The following PTPRN2 variants were observed in gnomAD, a reference collection of about 807,000 sequenced individuals.
PTPRN2 encodes receptor-type tyrosine-protein phosphatase N2.
A neutral mutation model predicts 118.8 loss-of-function variants in PTPRN2; 74 were observed. The observed-to-expected ratio is 0.62, with a 90% confidence interval of 0.52 to 0.76. PTPRN2 has a LOEUF of 0.76. Ranked by LOEUF, PTPRN2 falls within the 30% of genes least tolerant of loss-of-function variation. The pLI is 0.00. For synonymous variants in PTPRN2, 641 were observed against 608.0 expected, an observed-to-expected ratio of 1.05 and a Z score of -0.80; for missense variants, 1,481 against 1,394.4, an observed-to-expected ratio of 1.06 and a Z score of -0.99.
intron 11 of PTPRN2, among the ~76,000 whole-genome samples, chr7:158,044,415 T>C (rs1808693498): frequency 6.6e-6 from 1 of 152,222 alleles, no homozygotes; most frequent in African/African-American, 2.4e-5. Context: ...TAGGAATTCA[T>C]AAAAACAAAG....
chr7:157,689,342 C>T (rs528422013), intron 12 of PTPRN2, among the ~76,000 whole-genome samples: 1 of 152,194 alleles, frequency 6.6e-6, no homozygotes, highest in Non-Finnish European at 1.5e-5. Context: ...CGGTGCCGGC[C>T]GGGACGCGCA....
intron 2 of PTPRN2, among the ~76,000 whole-genome samples, chr7:158,386,284 C>A (rs1282935132): frequency 7.8e-6 from 1 of 128,756 alleles, no homozygotes; most frequent in Non-Finnish European, 1.6e-5. Context: ...TCCCGTGCCC[C>A]AAGTCCCTCC....
chr7:158,055,568 C>T (rs1809722304), intron 11 of PTPRN2, among the ~76,000 whole-genome samples: 1 of 152,192 alleles, frequency 6.6e-6, no homozygotes, highest in Non-Finnish European at 1.5e-5. Flanking sequence ...CATGTTCCAT[C>T]CTGTACACCT....
intron 2 of PTPRN2, among the ~76,000 whole-genome samples, chr7:158,358,074 T>C (rs775997596): frequency 3.9e-5 from 6 of 152,170 alleles, no homozygotes; most frequent in Non-Finnish European, 7.3e-5. Flanking sequence ...AGGCCCAACT[T>C]TGTGAGTTAC....
At chr7:158,396,199 G>A (rs1812487896) in intron 2 of PTPRN2, among the ~76,000 whole-genome samples, 1 of 152,176 alleles carries the variant, frequency 6.6e-6, no homozygotes, top group Admixed American at 6.5e-5. Flanking sequence ...GCCCAGCCAG[G>A]GCTGGTTTTC....
chr7:157,709,998 C>T (rs1277777491), intron 12 of PTPRN2, among the ~76,000 whole-genome samples: 2 of 152,112 alleles, frequency 1.3e-5, no homozygotes, highest in African/African-American at 4.8e-5. Context: ...GAGAGAGGAG[C>T]GTGAGGCATA....
chr7:158,509,955 AGAGGAC>A lies in PTPRN2; in HGVS notation c.113-20176_113-20171del, dbSNP rs2129446953. Among the ~76,000 whole-genome samples the A allele has an allele frequency of 6.6e-6, 1 of 152,356 alleles. No homozygotes were observed. The highest frequency in any genetic ancestry group is 6.5e-5 in the Admixed American group (1 of 15,300). ...CAGGCTATGAGGGGAGCACGAAGATAGAGGACGAGACACAAGTCAAGCCTTAAAAAG... is the reference window on the plus strand; with the variant it reads ...CAGGCTATGAGGGGAGCACGAAGATAGAGACACAAGTCAAGCCTTAAAAAG... On this transcript the variant is annotated intron_variant, in intron 1 of 22. Coordinates refer to ENST00000389418, the MANE Select transcript of PTPRN2 (RefSeq NM_002847.5). This position sits in a 1 kb window ranked among gnomAD's most constrained non-coding sequence, Gnocchi z 4.4.
intron 2 of PTPRN2, among the ~76,000 whole-genome samples, chr7:158,324,755 A>G (rs1586264155): frequency 6.6e-6 from 1 of 151,784 alleles, no homozygotes; most frequent in East Asian, 1.9e-4. Flanking sequence ...CTGAGCCTCC[A>G]CTCTCTGTGA....
At chr7:158,286,021 T>G (rs150031385) in intron 3 of PTPRN2, among the ~76,000 whole-genome samples, 1 of 152,306 alleles carries the variant, frequency 6.6e-6, no homozygotes, top group East Asian at 1.9e-4. Flanking sequence ...GAATGAACAT[T>G]TATCAACAGC....
chr7:157,751,450 A>C (rs193068497), intron 12 of PTPRN2, among the ~76,000 whole-genome samples: 1 of 152,274 alleles, frequency 6.6e-6, no homozygotes, highest in African/African-American at 2.4e-5. Flanking sequence ...CAAGAGGCTG[A>C]GCGTGTGCAG....
chr7:157,790,548 G>A (rs1804423051), intron 12 of PTPRN2, among the ~76,000 whole-genome samples: 1 of 152,126 alleles, frequency 6.6e-6, no homozygotes, highest in Non-Finnish European at 1.5e-5. Flanking sequence ...GTATGACGAA[G>A]GGGGCATTTC....
chr7:158,292,718 G>A (rs1361287740), intron 3 of PTPRN2, among the ~76,000 whole-genome samples: 1 of 152,200 alleles, frequency 6.6e-6, no homozygotes, highest in Non-Finnish European at 1.5e-5. Context: ...GTAACACAAG[G>A]TTAAGTATCT....
chr7:158,173,698 C>CAACTGCATAAGACAGACACTCCCAG (rs1823921100), intron 5 of PTPRN2, among the ~76,000 whole-genome samples: 1 of 152,194 alleles, frequency 6.6e-6, no homozygotes, highest in Admixed American at 6.5e-5. Context: ...CTCTTATCTT[C>CAACTGCATAAGACAGACACTCCCAG]AACTGCATAA....
intron 4 of PTPRN2, among the ~76,000 whole-genome samples, chr7:158,203,062 T>A (rs1236499375): frequency 1.3e-5 from 2 of 151,428 alleles, no homozygotes; most frequent in Admixed American, 6.6e-5. Context: ...CAAAACCCCA[T>A]CTCTACTAAA....
intron 11 of PTPRN2, among the ~76,000 whole-genome samples, chr7:157,911,753 A>G (rs1404286159): frequency 6.6e-6 from 1 of 152,184 alleles, no homozygotes; most frequent in Non-Finnish European, 1.5e-5. Context: ...TTCTGGGTGC[A>G]TAGTTTCTGT....
chr7:158,194,183 T>C (rs1826025012), intron 4 of PTPRN2, among the ~76,000 whole-genome samples: 1 of 152,222 alleles, frequency 6.6e-6, no homozygotes, highest in African/African-American at 2.4e-5. Flanking sequence ...AGTGCGTGTG[T>C]GCGTTTGTCT....
At position 157,764,266 on chromosome 7, in the gene PTPRN2, G is replaced by C. The variant is rs528401441; in HGVS notation, c.1789-81329C>G. 1.2e-3 allele frequency among the ~76,000 whole-genome samples: 185 copies of C among 152,322 alleles called. 1 individual carries two copies. Among genetic ancestry groups the C allele is most frequent in the African/African-American group, 4.1e-3 (170 of 41,564 alleles). On this transcript the variant is annotated intron_variant, in intron 12 of 22. Coordinates refer to ENST00000389418, the MANE Select transcript of PTPRN2 (RefSeq NM_002847.5). The surrounding 1 kb of genome is among the most constrained non-coding windows in gnomAD (Gnocchi z 4.5). Reference sequence around the variant, plus strand: ...AGCACCGAATGCAGTGACTCAGAGAGAGATTCGCACGCCCATGTTCATAGC... The same window carrying C: ...AGCACCGAATGCAGTGACTCAGAGACAGATTCGCACGCCCATGTTCATAGC...
intron 2 of PTPRN2, among the ~76,000 whole-genome samples, chr7:158,430,517 C>A (rs972824877): frequency 6.6e-6 from 1 of 152,362 alleles, no homozygotes; most frequent in South Asian, 2.1e-4. Flanking sequence ...AGCGCGGCAC[C>A]CCCTCCCTGT....
chr7:157,677,819 G>T (rs1796740278), intron 13 of PTPRN2, among the ~76,000 whole-genome samples: 1 of 152,226 alleles, frequency 6.6e-6, no homozygotes, highest in Non-Finnish European at 1.5e-5. Flanking sequence ...TTTGGCACCA[G>T]CGTGACAACC....
Sources: gnomAD v4.1 joint callset for allele counts (sites outside exome capture counted in the v4.1 genomes callset) on GRCh38, gnomAD v4.1.1 for gene constraint, Gnocchi (gnomAD v3.1) non-coding constraint, MANE v1.5 for transcripts, NCBI Gene and HGNC (gene_info 2026-07-23, HGNC 2026-07-21) for gene names.